The following XPNPEP3 variants were observed in gnomAD, a reference collection of about 807,000 sequenced individuals.
XPNPEP3 encodes X-prolyl aminopeptidase 3.
XPNPEP3 carries 41 observed loss-of-function variants against 60.0 expected under a neutral mutation model. The observed-to-expected ratio is 0.68, with a 90% CI of 0.53 to 0.89. The LOEUF (loss-of-function observed/expected upper bound fraction) is 0.89, where lower values mean the gene tolerates loss of function less well. Ranked by LOEUF, XPNPEP3 falls within the 40% of genes least tolerant of loss-of-function variation. The pLI, the probability that XPNPEP3 is intolerant of heterozygous loss-of-function variation, is 0.00. For missense variants in XPNPEP3, 598 were observed against 638.9 expected, an observed-to-expected ratio of 0.94 and a Z score of 0.69; for synonymous variants, 212 against 223.2, an observed-to-expected ratio of 0.95 and a Z score of 0.45.
Position 40,931,386 on chromosome 22 carries a change from G to C in XPNPEP3, c.*4951G>C, listed in dbSNP as rs1056927116. 4 of 152,160 alleles carry C rather than the reference G, an allele frequency of 2.6e-5. No homozygotes were observed. Among genetic ancestry groups the C allele is most frequent in the Non-Finnish European group, 5.9e-5 (4 of 68,034 alleles). The allele number at this position is 152,160 out of a possible 1,614,324, so 9.4% of individuals were successfully genotyped here. A position where few individuals can be genotyped will look rare whatever the true frequency, so the allele number is the denominator to read the frequency against. ...ATTTTGTCACCATAATTAGGAAACA[G>C]ACTGTGTTCTTTATTTGAAACACAA... On this transcript the variant is annotated 3_prime_UTR_variant, in exon 10 of 10. Transcript: ENST00000357137.
At chr22:40,909,334 A>G in intron 6 of XPNPEP3, 99 bp downstream of exon 6, 1 of 933,184 alleles carries the variant, frequency 1.1e-6, no homozygotes, top group Non-Finnish European at 1.8e-6. Context: ...TTCACAAATT[A>G]GCTGACATTT....
chr22:40,912,753 C>T (rs567055936), intron 6 of XPNPEP3, among the ~76,000 whole-genome samples: 9 of 152,078 alleles, frequency 5.9e-5, no homozygotes, highest in Non-Finnish European at 1.3e-4. Context: ...GCCTGTAGTC[C>T]CAGCTACTCA....
At chr22:40,878,635 G>A (rs1017797619) in intron 2 of XPNPEP3, among the ~76,000 whole-genome samples, 122 of 150,912 alleles carry the variant, frequency 8.1e-4, no homozygotes, top group African/African-American at 2.8e-3. Context: ...CGCTCAGGCC[G>A]GAATGTAGTG....
At chr22:40,861,123 T>C in intron 1 of XPNPEP3, 2 of 1,613,470 alleles carry the variant, frequency 1.2e-6, no homozygotes, top group Non-Finnish European at 1.7e-6. Flanking sequence ...TTTTTTCCTC[T>C]TACCACCCTC....
chr22:40,861,374 A>G lies in XPNPEP3; in HGVS notation c.64+4129A>G, dbSNP rs775515291. ...TATCTTCAGCTTCTCTTTCTTGATCACTTTCAATAATTTTCTTTGTATTAA... is the reference window on the plus strand; with the variant it reads ...TATCTTCAGCTTCTCTTTCTTGATCGCTTTCAATAATTTTCTTTGTATTAA... On this transcript the variant is annotated intron_variant, in intron 1 of 9. Transcript: ENST00000357137. The G allele has an allele frequency of 2.5e-6, 4 of 1,613,762 alleles. 1 individual carries two copies. The highest frequency in any genetic ancestry group is 2.5e-6 in the Non-Finnish European group (3 of 1,179,958).
intron 7 of XPNPEP3, chr22:40,917,301 C>G (rs946273681): frequency 2.0e-5 from 3 of 152,048 alleles, no homozygotes; most frequent in Admixed American, 1.3e-4. Flanking sequence ...GGTCACAACT[C>G]TCATACTGAT....
intron 7 of XPNPEP3, chr22:40,917,631 C>G (rs1242836703): frequency 6.6e-6 from 1 of 151,714 alleles, no homozygotes; most frequent in African/African-American, 2.4e-5. Flanking sequence ...ATGGTTCATC[C>G]TGTAATCCCA....
At chr22:40,906,135 C>T (rs1171058388) in intron 4 of XPNPEP3, among the ~76,000 whole-genome samples, 1 of 152,060 alleles carries the variant, frequency 6.6e-6, no homozygotes, top group East Asian at 1.9e-4. Flanking sequence ...GAGATAGTGT[C>T]TCACTATGTT....
intron 1 of XPNPEP3, among the ~76,000 whole-genome samples, chr22:40,857,505 AAGTT>A (rs746407582): frequency 9.9e-5 from 15 of 152,246 alleles, no homozygotes; most frequent in Non-Finnish European, 2.1e-4. Flanking sequence ...GCTGTCTTCC[AAGTT>A]ACTCGGACTC....
intron 4 of XPNPEP3, among the ~76,000 whole-genome samples, chr22:40,902,773 A>G (rs1455950921): frequency 6.6e-6 from 1 of 152,250 alleles, no homozygotes; most frequent in Non-Finnish European, 1.5e-5. Flanking sequence ...TCATTACAGG[A>G]AAAAGGTTTC....
chr22:40,890,733 G>A (rs1045779457), intron 4 of XPNPEP3, among the ~76,000 whole-genome samples: 2 of 151,902 alleles, frequency 1.3e-5, no homozygotes, highest in African/African-American at 4.8e-5. Flanking sequence ...TGGGCATGGT[G>A]GTACGCACCT....
At chr22:40,907,549 T>G in intron 4 of XPNPEP3, 38 bp from the exon 5 acceptor site, 42 of 1,583,262 alleles carry the variant, frequency 2.7e-5, no homozygotes, top group Non-Finnish European at 3.5e-5. Flanking sequence ...CAACATAGAA[T>G]GAGATCGTGT....
intron 2 of XPNPEP3, among the ~76,000 whole-genome samples, chr22:40,871,133 T>TGA (rs2058003614): frequency 6.6e-6 from 1 of 152,070 alleles, no homozygotes; most frequent in Non-Finnish European, 1.5e-5. Context: ...AAAGACAAGA[T>TGA]GAGAGGATCA....
intron 6 of XPNPEP3, among the ~76,000 whole-genome samples, chr22:40,912,014 T>C (rs1255021554): frequency 6.6e-6 from 1 of 152,226 alleles, no homozygotes; most frequent in African/African-American, 2.4e-5. Context: ...CTGTCTTCTG[T>C]GACACTAGAC....
At chr22:40,870,398 T>C (rs1352332101) in intron 2 of XPNPEP3, 1 of 192,152 alleles carries the variant, frequency 5.2e-6, no homozygotes, top group Non-Finnish European at 1.1e-5. Flanking sequence ...TAAGTATAAG[T>C]GAATGTAAAT....
Position 40,904,425 on chromosome 22 carries a change from C to A in XPNPEP3, c.793-3162C>A, listed in dbSNP as rs146811158. 3.2e-3 allele frequency among the ~76,000 whole-genome samples: 483 copies of A among 152,278 alleles called. 2 individuals are homozygous for A. Among genetic ancestry groups the A allele is most frequent in the African/African-American group, 0.011 (459 of 41,564 alleles). ...CAATGGTGTGCACCTACAGTCCCAG[C>A]TACTCAGGAGGCTGAAGCAGAAGGA... is the stretch of plus-strand genomic sequence containing the variant. On this transcript the variant is annotated intron_variant, in intron 4 of 9. Transcript: ENST00000357137.
At chr22:40,881,171 G>A (rs545123444) in intron 2 of XPNPEP3, among the ~76,000 whole-genome samples, 6 of 151,578 alleles carry the variant, frequency 4.0e-5, no homozygotes, top group East Asian at 2.0e-4. Context: ...TCAGGCTCCC[G>A]AGTAGCTGGG....
chr22:40,916,161 G>A (rs1402930318), intron 7 of XPNPEP3, among the ~76,000 whole-genome samples: 5 of 151,774 alleles, frequency 3.3e-5, no homozygotes, highest in African/African-American at 7.3e-5. Context: ...GTGTGGTGGC[G>A]GGCACCTGTA....
chr22:40,926,364 C>T lies in XPNPEP3; in HGVS notation c.1453C>T (p.Pro485Ser). Reference sequence around the variant, plus strand: ...TGATGTAGTGGTGACTCAGGACTCACCTCTCATCCTTTCTGCAGACTGTCC... The same window carrying T: ...TGATGTAGTGGTGACTCAGGACTCATCTCTCATCCTTTCTGCAGACTGTCC... ...EDDVVVTQDS[P>S]LILSADCPKE... The change falls in exon 10 of 10, where the codon CCT becomes TCT. Residue 485 changes from proline (P) to serine (S), a missense_variant. By Grantham distance (74) the Pro-to-Ser change is moderately conservative. Coordinates refer to ENST00000357137, the MANE Select transcript of XPNPEP3 (RefSeq NM_022098.4). The T allele has an allele frequency of 2.5e-6, 4 of 1,614,156 alleles. No homozygotes were observed. The highest frequency in any genetic ancestry group is 2.5e-6 in the Non-Finnish European group (3 of 1,180,028).
Sources: allele counts gnomAD v4.1 joint callset (sites outside exome capture counted in the v4.1 genomes callset), GRCh38; gene constraint gnomAD v4.1.1; transcripts MANE v1.5; gene names NCBI Gene and HGNC (gene_info 2026-07-23, HGNC 2026-07-21).